AATK: variants seen among roughly 807,000 people sequenced by gnomAD.
The protein encoded by AATK is lemur tail kinase 1.
AATK carries 91 observed loss-of-function variants against 114.3 expected under a neutral mutation model. That is an observed-to-expected ratio of 0.80 (90% CI 0.67 to 0.95). AATK has a LOEUF of 0.95. AATK is among the 40% of genes least tolerant of loss of function. The probability of loss-of-function intolerance (pLI) is 0.00; values close to 1 mark genes in which losing one functional copy is unlikely to be tolerated. For missense variants in AATK, 2,176 were observed against 1,965.2 expected (o/e 1.11, Z -2.03); for synonymous variants, 1,075 against 916.5 (o/e 1.17, Z -3.12).
chr17:81,127,955 G>A (rs774936578), intron 4 of AATK, 45 bp from the exon 5 acceptor site: 1 of 1,544,524 alleles, frequency 6.5e-7, no homozygotes, highest in South Asian at 1.2e-5. Context: ...GCCTCCACCG[G>A]CCCCGGCTTC....
rs2060592305 is a variant in AATK, at chr17:81,118,212, C to T, written c.*190G>A. On this transcript the variant is annotated 3_prime_UTR_variant, in exon 14 of 14. Transcript: ENST00000326724. ...GACGAATTCTGCCTCTGGGGCGGAG[C>T]ATGGCCGATCTACCATCCAGGGCCT... The T allele has an allele frequency of 4.9e-6, 3 of 606,960 alleles. 1 individual carries two copies. The African/African-American group carries it at 5.6e-5, about 11-fold the overall frequency. The allele number at this position is 606,960 out of a possible 1,614,324, so 37.6% of individuals were successfully genotyped here.
At chr17:81,130,760 G>C (rs1020690488) in intron 3 of AATK, among the ~76,000 whole-genome samples, 1 of 152,076 alleles carries the variant, frequency 6.6e-6, no homozygotes, top group Non-Finnish European at 1.5e-5. Flanking sequence ...CCCTGTCCCT[G>C]TGCATAGCAG....
At chr17:81,155,251 C>T (rs1249798815) in intron 1 of AATK, among the ~76,000 whole-genome samples, 7 of 152,186 alleles carry the variant, frequency 4.6e-5, no homozygotes, top group African/African-American at 7.2e-5. Flanking sequence ...AGGTTTCTGA[C>T]GGATCTTGTC....
At chr17:81,140,014 ACT>A (rs1270710730) in intron 1 of AATK, among the ~76,000 whole-genome samples, 3 of 151,974 alleles carry the variant, frequency 2.0e-5, no homozygotes, top group African/African-American at 7.3e-5. Flanking sequence ...CCAAAGGATG[ACT>A]CTATTTCTTT....
At chr17:81,165,655 C>G (rs1215939410) in intron 1 of AATK, 1 of 1,493,104 alleles carries the variant, frequency 6.7e-7, no homozygotes, top group Admixed American at 2.0e-5. Context: ...ACCAGGGGCC[C>G]ACGCAGGCCC....
chr17:81,163,824 C>T (rs558578316), intron 1 of AATK, among the ~76,000 whole-genome samples: 1 of 152,362 alleles, frequency 6.6e-6, no homozygotes, highest in South Asian at 2.1e-4. Flanking sequence ...CCAGTTCCTG[C>T]GATGAACAAG....
rs768602271 is a variant in AATK, at chr17:81,119,949, G to A, written c.3870C>T (p.Ser1290=). ...GCCCCTGCTCACCCTCTTCCGCTGT[G>A]GAGCCATTTGGGGAGCCATCAGCCT... ...PQQADGSPNG[S]TAEEGGGFAW... is the part of the protein sequence containing the mutation. Residue 1290 remains serine, a synonymous_variant, in exon 12 of 14, where the codon TCC becomes TCT. Coordinates refer to ENST00000326724, the MANE Select transcript of AATK (RefSeq NM_001080395.3). 28 of 1,447,108 alleles carry A rather than the reference G, an allele frequency of 1.9e-5. No individual in the cohort carries two copies. Among genetic ancestry groups the A allele is most frequent in the Non-Finnish European group, 2.4e-5 (27 of 1,102,044 alleles). 89.6% of individuals were successfully genotyped at this position (1,447,108 alleles called of 1,614,324 possible).
At position 81,166,002 on chromosome 17, in the gene AATK, A is replaced by T. The variant is rs1262035207; in HGVS notation, c.-10T>A. On this transcript the variant is annotated 5_prime_UTR_variant, in exon 1 of 14. Coordinates refer to ENST00000326724, the MANE Select transcript of AATK (RefSeq NM_001080395.3). ...AGAAGGACGACGACATGGCCGGGCC[A>T]GCGGCCGGCGGGCATCCCGGGAGGG... 4 of 1,560,040 alleles carry T rather than the reference A, an allele frequency of 2.6e-6. No individual in the cohort carries two copies. Among genetic ancestry groups the T allele is most frequent in the Non-Finnish European group, 3.5e-6 (4 of 1,155,862 alleles).
At chr17:81,137,397 A>AG (rs1031392680) in intron 1 of AATK, among the ~76,000 whole-genome samples, 3 of 151,960 alleles carry the variant, frequency 2.0e-5, no homozygotes, top group East Asian at 3.9e-4. Flanking sequence ...TGGGCAGAGG[A>AG]GGGGGGGTTC....
At chr17:81,134,675 G>A (rs2060983852) in intron 1 of AATK, among the ~76,000 whole-genome samples, 174 bp from the exon 2 acceptor site, 1 of 152,236 alleles carries the variant, frequency 6.6e-6, no homozygotes, top group Non-Finnish European at 1.5e-5. Flanking sequence ...GGTGGCCAGA[G>A]CCTGCAGTCC....
intron 3 of AATK, 75 bp from the exon 4 acceptor site, chr17:81,128,624 G>A: frequency 6.5e-7 from 1 of 1,539,912 alleles, no homozygotes; most frequent in East Asian, 2.5e-5. Context: ...GCCCCTGGAG[G>A]GGCTGCCCGC....
intron 1 of AATK, chr17:81,160,333 C>T (rs559827422): frequency 1.3e-5 from 11 of 850,888 alleles, no homozygotes; most frequent in East Asian, 2.5e-4. Context: ...CACCCAAGGC[C>T]GCAGCCCCCT....
chr17:81,150,868 A>ATC (rs2061286022), intron 1 of AATK, among the ~76,000 whole-genome samples: 1 of 152,200 alleles, frequency 6.6e-6, no homozygotes. Context: ...GCAGGAAGGA[A>ATC]CTGGCGCAAC....
In AATK at chr17:81,126,143, G is replaced by A. The variant is rs1385368896; in HGVS notation, c.755+284C>T. Among the ~76,000 whole-genome samples the A allele has an allele frequency of 3.3e-5, 5 of 152,210 alleles. No homozygotes were observed. Among genetic ancestry groups the A allele is most frequent in the Non-Finnish European group, 7.4e-5 (5 of 68,026 alleles). On this transcript the variant is annotated intron_variant, in intron 7 of 13. Transcript: ENST00000326724. The surrounding 1 kb of genome is among the most constrained non-coding windows in gnomAD (Gnocchi z 5.1). ...GGGCTTAGCAGAGTGTGGGGTTGGC[G>A]CGGGGCTGCAGGGTGCTGGCTGACT...
At chr17:81,162,247 C>A (rs952718266) in intron 1 of AATK, among the ~76,000 whole-genome samples, 2 of 152,062 alleles carry the variant, frequency 1.3e-5, no homozygotes, top group African/African-American at 4.8e-5. Context: ...CCTCGGCCTG[C>A]ACACCTGCAG....
chr17:81,132,555 A>G (rs943226849), intron 2 of AATK: 2 of 180,234 alleles, frequency 1.1e-5, no homozygotes. Context: ...GGGCCCTCCA[A>G]TCCCAGCCCC....
At chr17:81,138,241 CCA>C (rs1175635844) in intron 1 of AATK, among the ~76,000 whole-genome samples, 50 of 145,796 alleles carry the variant, frequency 3.4e-4, no homozygotes, top group Non-Finnish European at 5.6e-4. Flanking sequence ...ACGCACATAC[CCA>C]CACACATGCA....
In AATK at chr17:81,122,240, C is replaced by T. The variant is rs1171952527; in HGVS notation, c.1696G>A (p.Gly566Ser). The T allele has an allele frequency of 8.0e-6, 12 of 1,492,402 alleles. No individual in the cohort carries two copies. The highest frequency in any genetic ancestry group is 2.2e-5 in the Admixed American group (1 of 44,562). 92.4% of individuals were successfully genotyped at this position (1,492,402 alleles called of 1,614,324 possible). The stretch of plus-strand genomic sequence containing the variant: ...ATGGCCAGCGAGGCGGCGGTGCTGC[C>T]GTCAGAGTCGTCGTCCTGGTCCGCG... ...ATADQDDDSD[G>S]STAASLAMEP... The change falls in exon 11 of 14, where the codon GGC (glycine) becomes AGC (serine). Residue 566 changes from glycine (G) to serine (S), a missense_variant. By Grantham distance (56) the Gly-to-Ser change is moderately conservative. Coordinates refer to ENST00000326724, the MANE Select transcript of AATK (RefSeq NM_001080395.3).
At chr17:81,162,642 C>T (rs2061440131) in intron 1 of AATK, among the ~76,000 whole-genome samples, 2 of 152,268 alleles carry the variant, frequency 1.3e-5, no homozygotes, top group East Asian at 1.9e-4. Flanking sequence ...CATCAATAGG[C>T]TCATCCTGAG....
Sources: allele counts gnomAD v4.1 joint callset (sites outside exome capture counted in the v4.1 genomes callset), GRCh38; gene constraint gnomAD v4.1.1; non-coding constraint Gnocchi (gnomAD v3.1); transcripts MANE v1.5; gene names NCBI Gene and HGNC (gene_info 2026-07-23, HGNC 2026-07-21).